The following FAP variants were observed in gnomAD, a reference collection of about 807,000 sequenced individuals.
The protein encoded by FAP is prolyl endopeptidase FAP.
Under a neutral mutation model 126.5 loss-of-function variants are expected in FAP, and 110 were observed. That is an observed-to-expected ratio of 0.87 (90% CI 0.74 to 1.02). FAP has a LOEUF of 1.02. FAP is among the 50% of genes least tolerant of loss of function. The probability of loss-of-function intolerance (pLI) is 0.00; values close to 1 mark genes in which losing one functional copy is unlikely to be tolerated. For synonymous variants in FAP, 334 were observed against 297.3 expected (o/e 1.12, Z -1.27); for missense variants, 919 against 909.2 (o/e 1.01, Z -0.14).
At chr2:162,188,894 ATGCAAGCAAG>A (rs1306868704) in intron 19 of FAP, among the ~76,000 whole-genome samples, 199 bp downstream of exon 19, 1 of 152,096 alleles carries the variant, frequency 6.6e-6, no homozygotes, top group Non-Finnish European at 1.5e-5. Context: ...AACACAGCAA[ATGCAAGCAAG>A]TCCAGCTAAA....
chr2:162,201,357 C>A (rs1484477897), intron 14 of FAP, among the ~76,000 whole-genome samples: 1 of 152,096 alleles, frequency 6.6e-6, no homozygotes, highest in Non-Finnish European at 1.5e-5. Context: ...CTTATTAGCA[C>A]CAAGTAGAAG....
intron 14 of FAP, among the ~76,000 whole-genome samples, chr2:162,202,312 T>C (rs1688528840): frequency 1.3e-5 from 2 of 152,266 alleles, no homozygotes; most frequent in Non-Finnish European, 2.9e-5. Context: ...TTAGATTTAA[T>C]GCTTTAGGAT....
chr2:162,220,608 A>G (rs1198590734), intron 6 of FAP, among the ~76,000 whole-genome samples: 1 of 152,252 alleles, frequency 6.6e-6, no homozygotes, highest in East Asian at 1.9e-4. Flanking sequence ...CGGATTGTAT[A>G]CTGGGCAGTA....
intron 6 of FAP, among the ~76,000 whole-genome samples, chr2:162,220,323 T>C (rs1487287660): frequency 1.3e-5 from 2 of 152,222 alleles, no homozygotes; most frequent in African/African-American, 4.8e-5. Context: ...TTGGCAGACC[T>C]TGAATTAAAC....
intron 16 of FAP, among the ~76,000 whole-genome samples, chr2:162,196,069 T>A (rs1688242709): frequency 6.6e-6 from 1 of 152,202 alleles, no homozygotes; most frequent in Non-Finnish European, 1.5e-5. Context: ...GCTGTACCTG[T>A]GCCAGTGCCA....
At chr2:162,231,696 T>A (rs576287461) in intron 2 of FAP, among the ~76,000 whole-genome samples, 6 of 152,354 alleles carry the variant, frequency 3.9e-5, no homozygotes, top group Admixed American at 1.3e-4. Flanking sequence ...AGTAATGATT[T>A]ACTATTCTCT....
chr2:162,238,025 G>A (rs1292122823), intron 2 of FAP, among the ~76,000 whole-genome samples: 1 of 151,286 alleles, frequency 6.6e-6, no homozygotes, highest in Non-Finnish European at 1.5e-5. Flanking sequence ...CATGTCGTTT[G>A]CCCACTTTTT....
At chr2:162,171,135 G>T (rs1198630602) in intron 25 of FAP, 55 bp from the exon 26 acceptor site, 2 of 1,437,816 alleles carry the variant, frequency 1.4e-6, no homozygotes, top group Non-Finnish European at 9.8e-7. Context: ...AATGCATTTA[G>T]CTTGGACTTT....
At chr2:162,199,093 G>A (rs1200092003) in intron 15 of FAP, among the ~76,000 whole-genome samples, 1 of 152,162 alleles carries the variant, frequency 6.6e-6, no homozygotes, top group Non-Finnish European at 1.5e-5. Flanking sequence ...AAACCTTGAG[G>A]AAGAAGCCCT....
intron 12 of FAP, among the ~76,000 whole-genome samples, chr2:162,204,376 G>A (rs1156907276): frequency 6.6e-6 from 1 of 152,174 alleles, no homozygotes; most frequent in African/African-American, 2.4e-5. Context: ...TCATGTCCAC[G>A]TGGAGCCACA....
At chr2:162,198,181 T>C in intron 16 of FAP, 2 of 1,287,958 alleles carry the variant, frequency 1.6e-6, no homozygotes, top group South Asian at 2.5e-5. Flanking sequence ...TTACTTACGA[T>C]GTTTTCCAAA....
At chr2:162,182,293 A>C (rs1442958359) in intron 21 of FAP, among the ~76,000 whole-genome samples, 1 of 152,222 alleles carries the variant, frequency 6.6e-6, no homozygotes, top group Non-Finnish European at 1.5e-5. Context: ...GTTAATGATT[A>C]CATGTACATG....
intron 11 of FAP, among the ~76,000 whole-genome samples, chr2:162,212,716 T>A (rs1688992376): frequency 6.6e-6 from 1 of 152,206 alleles, no homozygotes. Flanking sequence ...AATATGATTA[T>A]TCTATATTTG....
chr2:162,216,835 G>A (rs1256479760), intron 9 of FAP, among the ~76,000 whole-genome samples: 1 of 152,076 alleles, frequency 6.6e-6, no homozygotes, highest in Non-Finnish European at 1.5e-5. Context: ...TTAGTTTTTG[G>A]GATGGTCTCA....
intron 8 of FAP, 108 bp from the exon 9 acceptor site, chr2:162,218,248 G>T: frequency 1.4e-6 from 1 of 737,756 alleles, no homozygotes. Flanking sequence ...ATTTAATGTG[G>T]ATGTGACATA....
intron 2 of FAP, among the ~76,000 whole-genome samples, chr2:162,237,998 T>A (rs1163599012): frequency 2.6e-5 from 4 of 152,222 alleles, no homozygotes; most frequent in Non-Finnish European, 5.9e-5. Context: ...AATGCCTTTT[T>A]TTGAGAAATG....
intron 3 of FAP, among the ~76,000 whole-genome samples, chr2:162,225,793 C>T (rs1033911014): frequency 1.3e-5 from 2 of 152,234 alleles, no homozygotes; most frequent in African/African-American, 2.4e-5. Flanking sequence ...TTGCAAACAG[C>T]AGCCCTATTT....
intron 10 of FAP, among the ~76,000 whole-genome samples, chr2:162,215,366 C>T (rs1431760201): frequency 6.6e-6 from 1 of 152,204 alleles, no homozygotes; most frequent in Non-Finnish European, 1.5e-5. Context: ...GTATTCTGGA[C>T]TAGTCAGACA....
At chr2:162,220,669 A>G (rs962522393) in intron 6 of FAP, among the ~76,000 whole-genome samples, 1 of 152,182 alleles carries the variant, frequency 6.6e-6, no homozygotes, top group African/African-American at 2.4e-5. Flanking sequence ...CAAATAGTCT[A>G]TTGGCCAAAA....
Sources: gnomAD v4.1 joint callset for allele counts (sites outside exome capture counted in the v4.1 genomes callset) on GRCh38, gnomAD v4.1.1 for gene constraint, MANE v1.5 for transcripts, NCBI Gene and HGNC (gene_info 2026-07-23, HGNC 2026-07-21) for gene names.